CHN1: variants seen among roughly 807,000 people sequenced by gnomAD.
The protein encoded by CHN1 is chimerin 1, also known as N-chimaerin.
In CHN1, 37 loss-of-function variants were observed where a neutral mutation model predicts 59.5. The ratio of observed to expected loss-of-function variants is 0.62; its 90% CI spans 0.48 to 0.82. The LOEUF is 0.82. Among genes scored for constraint, CHN1 ranks in the 40% least tolerant of loss-of-function variants. CHN1 has a pLI of 0.00. For missense variants in CHN1, 469 were observed against 571.0 expected (o/e 0.82, Z 1.82); for synonymous variants, 206 against 200.4 (o/e 1.03, Z -0.24).
chr2:174,825,975 CAG>C (rs1374302745), intron 7 of CHN1, among the ~76,000 whole-genome samples: 2 of 152,096 alleles, frequency 1.3e-5, no homozygotes, highest in Admixed American at 1.3e-4. Flanking sequence ...ATCAATGAAA[CAG>C]AATATCAGAA....
At chr2:174,954,614 C>T (rs1337863698) in intron 1 of CHN1, among the ~76,000 whole-genome samples, 1 of 151,898 alleles carries the variant, frequency 6.6e-6, no homozygotes, top group East Asian at 1.9e-4. Context: ...ACAAGCAATC[C>T]CATCAAAAAG....
At position 174,974,190 on chromosome 2, in the gene CHN1, AAT is replaced by A. The variant is rs557528512; in HGVS notation, c.20-21990_20-21989del. Among the ~76,000 whole-genome samples the A allele has an allele frequency of 6.0e-3, 919 of 152,320 alleles. 9 individuals are homozygous for A. The highest frequency in any genetic ancestry group is 0.021 in the African/African-American group (871 of 41,566). ...TAATCGGTTTGTTTTAAAATATTCA[AAT>A]AGAGTCTTCTTTTAACTCCAGACTT... is the stretch of plus-strand genomic sequence containing the variant. On this transcript the variant is annotated intron_variant, in intron 1 of 12. Transcript: ENST00000409900.
intron 1 of CHN1, among the ~76,000 whole-genome samples, chr2:174,979,854 C>A (rs1182688089): frequency 6.6e-6 from 1 of 152,044 alleles, no homozygotes; most frequent in African/African-American, 2.4e-5. Context: ...GCACTCCAGC[C>A]TGGCGAAAGA....
chr2:174,961,144 A>AGGGAGGGAGGAAGGAAGGGAGGAAGGGAG (rs1690387461), intron 1 of CHN1, among the ~76,000 whole-genome samples: 1 of 123,784 alleles, frequency 8.1e-6, no homozygotes, highest in Non-Finnish European at 1.6e-5. Flanking sequence ...GAGGAAGGGA[A>AGGGAGGGAGGAAGGAAGGGAGGAAGGGAG]GGGAGGGAGG....
chr2:174,946,094 C>T lies in CHN1; in HGVS notation c.59-1151G>A, dbSNP rs574307995. On this transcript the variant is annotated intron_variant, in intron 2 of 12. Transcript: ENST00000409900. ...TGAACCAAACCATCTGGAGTCTGAACACTGGGGCTCTGTCACTAGCACTGC... is the reference window on the plus strand; with the variant it reads ...TGAACCAAACCATCTGGAGTCTGAATACTGGGGCTCTGTCACTAGCACTGC... Among the ~76,000 whole-genome samples the T allele has an allele frequency of 8.2e-3, 1,255 of 152,236 alleles. 6 individuals carry two copies. The highest frequency in any genetic ancestry group is 0.015 in the Non-Finnish European group (1,010 of 68,014).
intron 5 of CHN1, among the ~76,000 whole-genome samples, chr2:174,903,206 G>T (rs1574146402): frequency 6.6e-6 from 1 of 152,034 alleles, no homozygotes; most frequent in South Asian, 2.1e-4. Flanking sequence ...CTCCTCATAG[G>T]CACTGAAGCT....
intron 1 of CHN1, among the ~76,000 whole-genome samples, chr2:174,969,595 G>A (rs1398868789): frequency 6.6e-6 from 1 of 151,988 alleles, no homozygotes; most frequent in Non-Finnish European, 1.5e-5. Context: ...TCCTGCCCAG[G>A]TGTCTCTATA....
chr2:174,977,984 G>A (rs1470520294), intron 1 of CHN1, among the ~76,000 whole-genome samples: 1 of 151,988 alleles, frequency 6.6e-6, no homozygotes, highest in Non-Finnish European at 1.5e-5. Flanking sequence ...TTCTGTGGAA[G>A]ACCTCTAAGA....
intron 7 of CHN1, among the ~76,000 whole-genome samples, chr2:174,843,899 A>G (rs1270220288): frequency 6.6e-6 from 1 of 152,098 alleles, no homozygotes; most frequent in African/African-American, 2.4e-5. Flanking sequence ...CTCAGAATGC[A>G]TGGCACAATC....
At position 174,910,388 on chromosome 2, in the gene CHN1, G is replaced by T. The variant is rs375995080; in HGVS notation, c.260+4670C>A. On this transcript the variant is annotated intron_variant, in intron 5 of 12. Coordinates refer to ENST00000409900, the MANE Select transcript of CHN1 (RefSeq NM_001822.7). The stretch of plus-strand genomic sequence containing the variant: ...ATATTAAATGTCCAACGTTGATAAA[G>T]AATTTTTTTTTTTTAATTTCCAAGA... Among the ~76,000 whole-genome samples the T allele has an allele frequency of 1.4e-4, 22 of 151,758 alleles. 1 individual carries two copies. Among genetic ancestry groups the T allele is most frequent in the East Asian group, 1.2e-3 (6 of 5,176 alleles).
chr2:174,934,703 G>A (rs1689446306), intron 3 of CHN1, among the ~76,000 whole-genome samples: 1 of 152,226 alleles, frequency 6.6e-6, no homozygotes, highest in Non-Finnish European at 1.5e-5. Flanking sequence ...AATAGGCAGA[G>A]ATAGCAATAG....
intron 6 of CHN1, among the ~76,000 whole-genome samples, chr2:174,871,532 A>T (rs1687407340): frequency 6.6e-6 from 1 of 152,120 alleles, no homozygotes; most frequent in Admixed American, 6.5e-5. Context: ...ATACTGGGGG[A>T]AAAAAGCCTT....
chr2:174,945,438 C>T (rs1382542138), intron 2 of CHN1, among the ~76,000 whole-genome samples: 2 of 152,042 alleles, frequency 1.3e-5, no homozygotes, highest in African/African-American at 2.4e-5. Context: ...AAGGTCTGAG[C>T]CAAAGTTACC....
At position 174,808,983 on chromosome 2, in the gene CHN1, C is replaced by T; in HGVS notation, c.1024G>A (p.Ala342Thr). The T allele has an allele frequency of 6.2e-7, 1 of 1,613,190 alleles. No homozygotes were observed. Among genetic ancestry groups the T allele is most frequent in the Non-Finnish European group, 8.5e-7 (1 of 1,179,270 alleles). Residue 342 changes from alanine to threonine, a missense_variant, in exon 11 of 13, where the codon GCA becomes ACA. By Grantham distance (58) the Ala-to-Thr change is moderately conservative. Coordinates refer to ENST00000409900, the MANE Select transcript of CHN1 (RefSeq NM_001822.7). The part of the protein sequence containing the change: ...MYEDINIITG[A>T]LKLYFRDLPI... ...AAATCCCTGAAGTACAGTTTAAGTG[C>T]ACCAGTGATAATGTTGATATCTTCA...
intron 11 of CHN1, among the ~76,000 whole-genome samples, chr2:174,806,225 A>T (rs893579021): frequency 6.6e-6 from 1 of 152,140 alleles, no homozygotes; most frequent in African/African-American, 2.4e-5. Flanking sequence ...CAGCTGTAGC[A>T]TGGGATGACC....
chr2:174,981,776 C>G (rs114544974), intron 1 of CHN1, among the ~76,000 whole-genome samples: 1,537 of 152,154 alleles, frequency 0.01, 28 homozygotes, highest in African/African-American at 0.035. Context: ...CTGTGAAGTA[C>G]AGTATCAAAT....
chr2:174,973,620 C>T (rs187351983), intron 1 of CHN1, among the ~76,000 whole-genome samples: 2 of 152,318 alleles, frequency 1.3e-5, no homozygotes, highest in Admixed American at 1.3e-4. Context: ...AGAAGTTACA[C>T]ATTTTCAGCC....
rs4324297 is a variant in CHN1 at position 174,915,875 on chromosome 2, C to A, written c.147-704G>T. 2.6e-5 allele frequency among the ~76,000 whole-genome samples: 4 copies of A among 152,046 alleles called. No individual in the cohort carries two copies. The South Asian group carries it at 8.3e-4, about 32-fold the overall frequency. ...GACACATATTAAAAATAAAAAGCCA[C>A]CTTACACATTTTTATAGCGATTTAC... On this transcript the variant is annotated intron_variant, in intron 4 of 12. Transcript: ENST00000409900.
chr2:174,865,313 A>C (rs946994079), intron 6 of CHN1, among the ~76,000 whole-genome samples: 2 of 152,164 alleles, frequency 1.3e-5, no homozygotes, highest in African/African-American at 4.8e-5. Flanking sequence ...AACTACTTAA[A>C]AGATAGTGAT....
Sources: gnomAD v4.1 joint callset for allele counts (sites outside exome capture counted in the v4.1 genomes callset) on GRCh38, gnomAD v4.1.1 for gene constraint, MANE v1.5 for transcripts, NCBI Gene and HGNC (gene_info 2026-07-23, HGNC 2026-07-21) for gene names.